Variants in OR51B5 observed in about 807,000 individuals in gnomAD.
OR51B5 encodes the protein olfactory receptor family 51 subfamily B member 5.
For synonymous variants in OR51B5, 186 were observed against 144.8 expected (o/e 1.28, Z -2.04); for missense variants, 456 against 374.6 (o/e 1.22, Z -1.79).
downstream of OR51B5, chr11:5,340,369 T>C (rs1023059829): frequency 6.6e-6 from 1 of 152,156 alleles, no homozygotes; most frequent in East Asian, 1.9e-4. Context: ...ATCTATAATT[T>C]ACTCTAAATA....
chr11:5,385,094 A>G (rs774490517), intron 1 of OR51B5, among the ~76,000 whole-genome samples: 1 of 152,200 alleles, frequency 6.6e-6, no homozygotes, highest in Non-Finnish European at 1.5e-5. Flanking sequence ...TATACTGAAA[A>G]TCTCTTTTCA....
rs115558711 is a variant in OR51B5, at chr11:5,422,763, G to C, written n.85-75853C>G. 4.9e-5 allele frequency: 79 copies of C among 1,613,890 alleles called. No individual in the cohort carries two copies. The highest frequency in any genetic ancestry group is 4.9e-5 in the Non-Finnish European group (58 of 1,179,972). The stretch of plus-strand genomic sequence containing the variant: ...TATTGCCTCCACCAGGATATGATCC[G>C]CCTGGTCTGTGCTGACATCAGGCTC... On this transcript the variant is annotated intron_variant and non_coding_transcript_variant, in intron 1 of 4. Coordinates refer to the OR51B5 transcript ENST00000415970.
At chr11:5,452,120 T>C (rs1850861950) in intron 1 of OR51B5, among the ~76,000 whole-genome samples, 2 of 152,162 alleles carry the variant, frequency 1.3e-5, no homozygotes, top group South Asian at 4.1e-4. Flanking sequence ...CAAATCTATG[T>C]GTCTATGAGT....
In OR51B5 at chr11:5,361,561, A is replaced by G. The variant is rs530116807; in HGVS notation, n.85-14651T>C. Reference sequence around the variant, plus strand: ...GGCTCCGCATAGGAATGAGCAGTAGACGGTTGGCTTATCAGAGATTGCAGA... The same window carrying G: ...GGCTCCGCATAGGAATGAGCAGTAGGCGGTTGGCTTATCAGAGATTGCAGA... On this transcript the variant is annotated intron_variant and non_coding_transcript_variant, in intron 1 of 4. Coordinates refer to the OR51B5 transcript ENST00000415970. Among the ~76,000 whole-genome samples the G allele has an allele frequency of 1.4e-3, 209 of 152,272 alleles. 1 individual carries two copies. Among genetic ancestry groups the G allele is most frequent in the African/African-American group, 4.9e-3 (203 of 41,554 alleles).
chr11:5,346,123 A>T (rs1010094711), upstream of OR51B5: 1 of 152,096 alleles, frequency 6.6e-6, no homozygotes, highest in Non-Finnish European at 1.5e-5. Context: ...CCTTCTTATC[A>T]GAGAATATGC....
At chr11:5,355,865 A>G (rs988700673) in intron 1 of OR51B5, among the ~76,000 whole-genome samples, 1 of 152,172 alleles carries the variant, frequency 6.6e-6, no homozygotes, top group Non-Finnish European at 1.5e-5. Flanking sequence ...CATAGGCGTC[A>G]ATATACAGAC....
rs375866360 is a variant in OR51B5 at position 5,389,683 on chromosome 11, G to A, written n.85-42773C>T. On this transcript the variant is annotated intron_variant and non_coding_transcript_variant, in intron 1 of 4. Coordinates refer to the OR51B5 transcript ENST00000415970. ...TGTCCACGTTGCCCACCACTATGGGGATCTTCTGGTTTAACTCCCATAGTA... is the reference window on the plus strand; with the variant it reads ...TGTCCACGTTGCCCACCACTATGGGAATCTTCTGGTTTAACTCCCATAGTA... 2.5e-6 allele frequency: 4 copies of A among 1,613,634 alleles called. No homozygotes were observed. The African/African-American group carries it at 5.3e-5, about 22-fold the overall frequency.
intron 1 of OR51B5, among the ~76,000 whole-genome samples, chr11:5,434,638 A>G (rs1396025482): frequency 6.6e-6 from 1 of 151,110 alleles, no homozygotes; most frequent in African/African-American, 2.5e-5. Context: ...AAGGACCATG[A>G]AAAGAGGAAC....
Position 5,409,658 on chromosome 11 carries a change from C to T in OR51B5, n.85-62748G>A, listed in dbSNP as rs554266599. ...AGCACAAAAATTGAAAATATAAAGA[C>T]GTGAAATACATGTAGGACATATTTT... On this transcript the variant is annotated intron_variant and non_coding_transcript_variant, in intron 1 of 4. Coordinates refer to the OR51B5 transcript ENST00000415970. Among the ~76,000 whole-genome samples the T allele has an allele frequency of 3.2e-4, 49 of 152,060 alleles. 1 individual carries two copies. The highest frequency in any genetic ancestry group is 1.2e-3 in the Admixed American group (19 of 15,284).
chr11:5,441,009 G>A (rs767662222), intron 1 of OR51B5: 5 of 1,614,006 alleles, frequency 3.1e-6, no homozygotes, highest in Non-Finnish European at 4.2e-6. Context: ...TTTGCAGAAG[G>A]GCAGTCGTTT....
chr11:5,471,635 C>CAA (rs34498667), intron 1 of OR51B5, among the ~76,000 whole-genome samples: 1,741 of 124,198 alleles, frequency 0.014, 29 homozygotes, highest in African/African-American at 0.044. Context: ...GACTCTGTCT[C>CAA]AAAAAAAAAA....
At chr11:5,418,714 A>G (rs981505604) in intron 1 of OR51B5, among the ~76,000 whole-genome samples, 3 of 136,648 alleles carry the variant, frequency 2.2e-5, no homozygotes, top group African/African-American at 7.8e-5. Context: ...AGCATCACAC[A>G]CCCGAGCCTA....
At chr11:5,493,652 C>A (rs907557371) in intron 1 of OR51B5, among the ~76,000 whole-genome samples, 51 of 152,210 alleles carry the variant, frequency 3.4e-4, no homozygotes, top group African/African-American at 1.2e-3. Context: ...CTCCAAAGAA[C>A]TGTGTTGACC....
intron 1 of OR51B5, among the ~76,000 whole-genome samples, chr11:5,428,285 CATACTT>C (rs1850479525): frequency 6.6e-6 from 1 of 152,038 alleles, no homozygotes; most frequent in Non-Finnish European, 1.5e-5. Flanking sequence ...AAAAAAGAGT[CATACTT>C]AAAATTTCCC....
At chr11:5,477,742 A>G (rs1448243299) in intron 1 of OR51B5, among the ~76,000 whole-genome samples, 1 of 152,156 alleles carries the variant, frequency 6.6e-6, no homozygotes, top group Non-Finnish European at 1.5e-5. Flanking sequence ...AGTCAAAGAA[A>G]GGGGTGACGG....
chr11:5,404,526 G>T (rs1166676066), intron 1 of OR51B5, among the ~76,000 whole-genome samples: 1 of 152,124 alleles, frequency 6.6e-6, no homozygotes, highest in Non-Finnish European at 1.5e-5. Flanking sequence ...TCTGTAAAAT[G>T]GACCAATCAG....
chr11:5,440,825 G>GAT, intron 1 of OR51B5: 2 of 1,613,858 alleles, frequency 1.2e-6, no homozygotes, highest in Non-Finnish European at 8.5e-7. Context: ...CCTGGGATAT[G>GAT]ATGACCAGCA....
intron 1 of OR51B5, chr11:5,352,224 T>C (rs757641760): frequency 6.2e-7 from 1 of 1,614,186 alleles, no homozygotes; most frequent in Non-Finnish European, 8.5e-7. Flanking sequence ...TCAACACATG[T>C]GTCTCTCATA....
intron 1 of OR51B5, among the ~76,000 whole-genome samples, chr11:5,381,635 G>A (rs1849610421): frequency 6.6e-6 from 1 of 152,160 alleles, no homozygotes; most frequent in African/African-American, 2.4e-5. Context: ...GTTTCTCACA[G>A]GACGCACTTA....
Sources: gnomAD v4.1 joint callset for allele counts (sites outside exome capture counted in the v4.1 genomes callset) on GRCh38, gnomAD v4.1.1 for gene constraint, MANE v1.5 for transcripts, NCBI Gene and HGNC (gene_info 2026-07-23, HGNC 2026-07-21) for gene names.